The following BNC2 variants were observed in gnomAD, a reference collection of about 807,000 sequenced individuals.
BNC2 encodes basonuclin zinc finger protein 2, also known as zinc finger protein basonuclin-2.
In BNC2, 20 loss-of-function variants were observed where a neutral mutation model predicts 76.3. The observed-to-expected ratio is 0.26, with a 90% CI of 0.18 to 0.38. The LOEUF is 0.38. Ranked by LOEUF, BNC2 falls within the 10% of genes least tolerant of loss-of-function variation. The pLI is 1.00. For synonymous variants in BNC2, 582 were observed against 514.8 expected, an observed-to-expected ratio of 1.13 and a Z score of -1.77; for missense variants, 1,382 against 1,399.8, an observed-to-expected ratio of 0.99 and a Z score of 0.20.
intron 1 of BNC2, among the ~76,000 whole-genome samples, chr9:16,864,614 C>T (rs759838033): frequency 2.6e-5 from 4 of 152,144 alleles, no homozygotes; most frequent in Non-Finnish European, 5.9e-5. Context: ...CTGCCAGCGT[C>T]GGCCTATCCC....
At chr9:16,791,769 G>A (rs1331634014) in intron 1 of BNC2, among the ~76,000 whole-genome samples, 1 of 152,164 alleles carries the variant, frequency 6.6e-6, no homozygotes, top group Non-Finnish European at 1.5e-5. Context: ...AGGGTGGCGT[G>A]AGGACCAAAA....
intron 1 of BNC2, among the ~76,000 whole-genome samples, chr9:16,763,563 C>T (rs1825611718): frequency 6.6e-6 from 1 of 151,484 alleles, no homozygotes; most frequent in Non-Finnish European, 1.5e-5. Flanking sequence ...GAGCAAGACC[C>T]TGTCTCAAAA....
chr9:16,768,407 C>T (rs755129354), intron 1 of BNC2, among the ~76,000 whole-genome samples: 2 of 151,932 alleles, frequency 1.3e-5, no homozygotes. Flanking sequence ...GGGAGTGTTA[C>T]AAGAAACTGA....
intron 3 of BNC2, among the ~76,000 whole-genome samples, chr9:16,606,729 T>C (rs555967472): frequency 3.9e-5 from 6 of 152,190 alleles, no homozygotes; most frequent in African/African-American, 1.4e-4. Flanking sequence ...AGCTAACTTT[T>C]GTATTTTTAG....
At chr9:16,421,341 G>C in intron 6 of BNC2, 1 of 1,165,776 alleles carries the variant, frequency 8.6e-7, no homozygotes, top group Non-Finnish European at 1.1e-6. Context: ...CAGAGAGAGA[G>C]AAAGAAAGAG....
intron 5 of BNC2, among the ~76,000 whole-genome samples, chr9:16,480,328 G>A (rs574600926): frequency 1.3e-5 from 2 of 152,324 alleles, no homozygotes; most frequent in African/African-American, 4.8e-5. Flanking sequence ...CCATCCCATT[G>A]AGAGGTGACA....
chr9:16,674,618 G>C (rs1007604822), intron 3 of BNC2, among the ~76,000 whole-genome samples: 6 of 152,126 alleles, frequency 3.9e-5, no homozygotes, highest in Non-Finnish European at 7.4e-5. Flanking sequence ...ATGTTTATTT[G>C]TAGGACTTTA....
intron 1 of BNC2, among the ~76,000 whole-genome samples, chr9:16,787,698 G>C (rs562706447): frequency 6.6e-6 from 1 of 152,232 alleles, no homozygotes; most frequent in African/African-American, 2.4e-5. Flanking sequence ...TCCCCTCCTA[G>C]GCAAAAGGTA....
intron 1 of BNC2, among the ~76,000 whole-genome samples, chr9:16,826,529 T>C (rs756993787): frequency 3.0e-4 from 45 of 152,294 alleles, no homozygotes; most frequent in Middle Eastern, 3.4e-3. Flanking sequence ...ATTAAGCTGC[T>C]TGCCATATTC....
chr9:16,728,979 C>G (rs1384428235), intron 2 of BNC2, among the ~76,000 whole-genome samples: 2 of 151,754 alleles, frequency 1.3e-5, no homozygotes. Context: ...AAAAGATAAA[C>G]AAAAAAAGCC....
chr9:16,522,814 T>A (rs1193489891), intron 5 of BNC2, among the ~76,000 whole-genome samples: 1 of 152,136 alleles, frequency 6.6e-6, no homozygotes, highest in Non-Finnish European at 1.5e-5. Context: ...CACAGGCACT[T>A]TATATTCTCC....
At chr9:16,657,042 A>C (rs540345059) in intron 3 of BNC2, among the ~76,000 whole-genome samples, 2 of 152,154 alleles carry the variant, frequency 1.3e-5, no homozygotes, top group Non-Finnish European at 2.9e-5. Flanking sequence ...AGACACTAAA[A>C]ATTTAGCTTC....
chr9:16,541,971 T>C (rs1041379680), intron 5 of BNC2, among the ~76,000 whole-genome samples: 1 of 151,896 alleles, frequency 6.6e-6, no homozygotes, highest in Admixed American at 6.6e-5. Context: ...ATAACCACAT[T>C]TACTCAACTG....
intron 1 of BNC2, among the ~76,000 whole-genome samples, chr9:16,747,565 T>C (rs113599241): frequency 0.023 from 3,456 of 152,164 alleles, 123 homozygotes; most frequent in African/African-American, 0.078. Context: ...GCTAAGAGAG[T>C]TTAGTCACTT....
At chr9:16,647,909 C>T (rs186439689) in intron 3 of BNC2, among the ~76,000 whole-genome samples, 8 of 152,232 alleles carry the variant, frequency 5.3e-5, no homozygotes, top group Admixed American at 3.3e-4. Flanking sequence ...ATTCAACCAT[C>T]TCCCAATTTT....
chr9:16,844,209 G>C (rs1818906680), intron 1 of BNC2, among the ~76,000 whole-genome samples: 1 of 151,816 alleles, frequency 6.6e-6, no homozygotes, highest in Non-Finnish European at 1.5e-5. Context: ...TTAAGTGCTA[G>C]TTTACCAAAC....
At chr9:16,424,509 C>T (rs953794492) in intron 6 of BNC2, among the ~76,000 whole-genome samples, 3 of 152,156 alleles carry the variant, frequency 2.0e-5, no homozygotes, top group Admixed American at 1.3e-4. Flanking sequence ...TCAACTCTGC[C>T]GTTCAACACA....
chr9:16,695,756 C>A (rs1042392851), intron 3 of BNC2, among the ~76,000 whole-genome samples: 4 of 152,070 alleles, frequency 2.6e-5, no homozygotes, highest in African/African-American at 9.7e-5. Context: ...TCTGTGTGAA[C>A]AGGGCTCCCA....
At chr9:16,423,198 T>C (rs1000159908) in intron 6 of BNC2, among the ~76,000 whole-genome samples, 3 of 152,226 alleles carry the variant, frequency 2.0e-5, no homozygotes, top group African/African-American at 7.2e-5. Context: ...AGATTTAGTG[T>C]TCTGAATATT....
Sources: gnomAD v4.1 joint callset for allele counts (sites outside exome capture counted in the v4.1 genomes callset) on GRCh38, gnomAD v4.1.1 for gene constraint, MANE v1.5 for transcripts, NCBI Gene and HGNC (gene_info 2026-07-23, HGNC 2026-07-21) for gene names.